Variants in FBXW7 observed in about 807,000 individuals in gnomAD.
The protein encoded by FBXW7 is F-box/WD repeat-containing protein 7.
Under a neutral mutation model 86.3 loss-of-function variants are expected in FBXW7, and 11 were observed. The observed-to-expected ratio is 0.13, with a 90% CI of 0.08 to 0.21. The LOEUF (loss-of-function observed/expected upper bound fraction) is 0.21, where lower values mean the gene tolerates loss of function less well. FBXW7 is among the 10% of genes least tolerant of loss of function. The probability of loss-of-function intolerance (pLI) is 1.00; values close to 1 mark genes in which losing one functional copy is unlikely to be tolerated. For synonymous variants in FBXW7, 313 were observed against 297.9 expected (o/e 1.05, Z -0.52); for missense variants, 488 against 847.4 (o/e 0.58, Z 5.27).
intron 6 of FBXW7, among the ~76,000 whole-genome samples, chr4:152,341,716 G>A (rs1448227126): frequency 6.6e-6 from 1 of 152,118 alleles, no homozygotes; most frequent in East Asian, 1.9e-4. Flanking sequence ...CTGGCTCCAA[G>A]AGTGGTTTCA....
intron 2 of FBXW7, among the ~76,000 whole-genome samples, chr4:152,520,078 C>T (rs1748864027): frequency 6.6e-6 from 1 of 152,220 alleles, no homozygotes; most frequent in Non-Finnish European, 1.5e-5. Context: ...ACATTCTTAT[C>T]TTCTAGATTC....
intron 4 of FBXW7, among the ~76,000 whole-genome samples, chr4:152,371,572 T>C (rs1190894360): frequency 6.6e-6 from 1 of 152,030 alleles, no homozygotes; most frequent in Admixed American, 6.6e-5. Context: ...TATGTAGTTA[T>C]GTATACATAT....
intron 6 of FBXW7, among the ~76,000 whole-genome samples, chr4:152,339,757 C>T (rs560596775): frequency 5.1e-4 from 77 of 151,914 alleles, no homozygotes; most frequent in Non-Finnish European, 1.0e-3. Context: ...AGCCTGGCAA[C>T]ATAACGAGAC....
At chr4:152,390,185 T>A (rs1276207834) in intron 4 of FBXW7, among the ~76,000 whole-genome samples, 5 of 151,972 alleles carry the variant, frequency 3.3e-5, no homozygotes, top group Admixed American at 2.6e-4. Flanking sequence ...TTTTTTTTTT[T>A]AATGAGTAAA....
chr4:152,515,402 C>G (rs1650087587), intron 2 of FBXW7, among the ~76,000 whole-genome samples: 1 of 152,142 alleles, frequency 6.6e-6, no homozygotes, highest in African/African-American at 2.4e-5. Flanking sequence ...TTGTAGTTTA[C>G]TGTATATAAA....
chr4:152,515,244 C>CT (rs1303576791), intron 2 of FBXW7, among the ~76,000 whole-genome samples: 1 of 152,172 alleles, frequency 6.6e-6, no homozygotes, highest in Non-Finnish European at 1.5e-5. Context: ...TCCATCTCCT[C>CT]TTTTTTCCTC....
At position 152,365,353 on chromosome 4, in the gene FBXW7, G is replaced by T. The variant is rs1191683603; in HGVS notation, c.502-15229C>A. Among the ~76,000 whole-genome samples the T allele has an allele frequency of 3.3e-5, 5 of 152,196 alleles. No individual in the cohort carries two copies. In the East Asian group the frequency reaches 9.6e-4, roughly 29 times the overall value. Reference sequence around the variant, plus strand: ...AAGATATAATCAGATGTTATTTCTTGAAAAAAATCATTCAAAGTGTAATGC... The same window carrying T: ...AAGATATAATCAGATGTTATTTCTTTAAAAAAATCATTCAAAGTGTAATGC... On this transcript the variant is annotated intron_variant, in intron 4 of 13. Coordinates refer to ENST00000281708, the MANE Select transcript of FBXW7 (RefSeq NM_001349798.2).
chr4:152,338,385 CAG>C (rs1203767879), intron 6 of FBXW7, among the ~76,000 whole-genome samples: 1 of 151,944 alleles, frequency 6.6e-6, no homozygotes, highest in Non-Finnish European at 1.5e-5. Context: ...CAGCATCAAT[CAG>C]AGAAAAATTA....
At chr4:152,432,855 C>T (rs1211724419) in intron 2 of FBXW7, among the ~76,000 whole-genome samples, 2 of 152,104 alleles carry the variant, frequency 1.3e-5, no homozygotes, top group Non-Finnish European at 2.9e-5. Context: ...CCATAAAGTT[C>T]CCTCTTTTCT....
chr4:152,479,430 G>T (rs774819989), intron 2 of FBXW7, among the ~76,000 whole-genome samples: 2 of 152,012 alleles, frequency 1.3e-5, no homozygotes, highest in Non-Finnish European at 2.9e-5. Context: ...TATAACATTT[G>T]CCTGTTAAAT....
intron 2 of FBXW7, among the ~76,000 whole-genome samples, chr4:152,472,960 C>A (rs975133608): frequency 2.3e-4 from 35 of 152,042 alleles, no homozygotes; most frequent in Admixed American, 1.0e-3. Context: ...AGAGTAGTTT[C>A]AATATAAATT....
intron 4 of FBXW7, chr4:152,352,762 A>G (rs2126665210): frequency 6.2e-7 from 1 of 1,609,194 alleles, no homozygotes; most frequent in Non-Finnish European, 8.5e-7. Context: ...GAAGAACTCG[A>G]GGGAATAATG....
At chr4:152,462,277 C>G (rs1420729563) in intron 2 of FBXW7, among the ~76,000 whole-genome samples, 1 of 152,168 alleles carries the variant, frequency 6.6e-6, no homozygotes, top group African/African-American at 2.4e-5. Context: ...GCTCTGATAC[C>G]TCAAGCCAGC....
chr4:152,413,121 T>C (rs1214122648), intron 2 of FBXW7, among the ~76,000 whole-genome samples: 3 of 152,070 alleles, frequency 2.0e-5, no homozygotes, highest in Admixed American at 6.6e-5. Context: ...TCAATTCTAG[T>C]CTTTTTCAGA....
chr4:152,503,429 C>T (rs1363898892), intron 2 of FBXW7, among the ~76,000 whole-genome samples: 1 of 151,984 alleles, frequency 6.6e-6, no homozygotes, highest in African/African-American at 2.4e-5. Context: ...ACCACCACGC[C>T]CGGCTAATTT....
At chr4:152,425,917 A>C (rs1739341197) in intron 2 of FBXW7, among the ~76,000 whole-genome samples, 1 of 152,188 alleles carries the variant, frequency 6.6e-6, no homozygotes, top group Admixed American at 6.5e-5. Flanking sequence ...CCCACCACAC[A>C]AAAATGGACA....
intron 4 of FBXW7, among the ~76,000 whole-genome samples, chr4:152,360,724 C>T (rs181742688): frequency 2.6e-5 from 4 of 151,606 alleles, no homozygotes; most frequent in South Asian, 4.2e-4. Flanking sequence ...ATGTGAGATT[C>T]GATAACACAA....
chr4:152,406,148 A>G (rs989788499), intron 4 of FBXW7, among the ~76,000 whole-genome samples: 2 of 152,268 alleles, frequency 1.3e-5, no homozygotes, highest in Non-Finnish European at 2.9e-5. Context: ...CTTTGGAAGC[A>G]TTTTGAAGAT....
At chr4:152,385,822 G>A (rs1354244691) in intron 4 of FBXW7, among the ~76,000 whole-genome samples, 2 of 152,010 alleles carry the variant, frequency 1.3e-5, no homozygotes, top group Non-Finnish European at 2.9e-5. Context: ...ACCAAACGCT[G>A]TAACAGAATC....
Sources: allele counts gnomAD v4.1 joint callset (sites outside exome capture counted in the v4.1 genomes callset), GRCh38; gene constraint gnomAD v4.1.1; transcripts MANE v1.5; gene names NCBI Gene and HGNC (gene_info 2026-07-23, HGNC 2026-07-21).